The following DYRK1A variants were observed in gnomAD, a reference collection of about 807,000 sequenced individuals.
The protein encoded by DYRK1A is dual specificity tyrosine-phosphorylation-regulated kinase 1A.
Under a neutral mutation model 79.7 loss-of-function variants are expected in DYRK1A, and 9 were observed. The observed-to-expected ratio is 0.11, with a 90% CI of 0.07 to 0.20. The LOEUF (loss-of-function observed/expected upper bound fraction) is 0.20. Among genes scored for constraint, DYRK1A ranks in the 10% least tolerant of loss-of-function variants. The probability of loss-of-function intolerance (pLI) is 1.00; values close to 1 mark genes in which losing one functional copy is unlikely to be tolerated. For missense variants in DYRK1A, 622 were observed against 956.0 expected, an observed-to-expected ratio of 0.65 and a Z score of 4.61; for synonymous variants, 349 against 329.7, an observed-to-expected ratio of 1.06 and a Z score of -0.63.
intron 1 of DYRK1A, among the ~76,000 whole-genome samples, chr21:37,402,914 C>T (rs142234944): frequency 6.6e-6 from 1 of 152,096 alleles, no homozygotes; most frequent in Non-Finnish European, 1.5e-5. Flanking sequence ...CAGGTATGCA[C>T]CACTATGCCT....
chr21:37,401,030 G>A (rs1402160754), intron 1 of DYRK1A, among the ~76,000 whole-genome samples: 1 of 152,104 alleles, frequency 6.6e-6, no homozygotes, highest in African/African-American at 2.4e-5. Context: ...TGTAGTCCCA[G>A]CTACTTGGGA....
chr21:37,434,790 T>C (rs9979445), intron 2 of DYRK1A, among the ~76,000 whole-genome samples: 8,291 of 152,322 alleles, frequency 0.054, 270 homozygotes, highest in Middle Eastern at 0.13. Context: ...GAGACTTCAG[T>C]GAGCCACGCT....
At chr21:37,417,536 T>TTTTTTTTC (rs2050376183) in intron 1 of DYRK1A, among the ~76,000 whole-genome samples, 1 of 105,094 alleles carries the variant, frequency 9.5e-6, no homozygotes, top group African/African-American at 3.4e-5. Flanking sequence ...TTTCTTTTTT[T>TTTTTTTTC]TTTTTTTTTT....
At chr21:37,457,961 C>G (rs936709123) in intron 2 of DYRK1A, among the ~76,000 whole-genome samples, 1 of 152,186 alleles carries the variant, frequency 6.6e-6, no homozygotes, top group Non-Finnish European at 1.5e-5. Flanking sequence ...CCTTCAGACA[C>G]TTCTTAAAAT....
intron 1 of DYRK1A, among the ~76,000 whole-genome samples, chr21:37,372,938 T>C (rs556439110): frequency 6.6e-6 from 1 of 152,334 alleles, no homozygotes; most frequent in South Asian, 2.1e-4. Flanking sequence ...TATGTTCTTA[T>C]ATATAATTGT....
In DYRK1A at chr21:37,496,224, C is replaced by G. The variant is rs777270510; in HGVS notation, c.1178C>G (p.Thr393Ser). 25 of 1,613,800 alleles carry G rather than the reference C, an allele frequency of 1.5e-5. No homozygotes were observed. The East Asian group carries it at 4.0e-4, about 26-fold the overall frequency. Reference sequence around the variant, plus strand: ...TTCTTTGAGAAGTTGCCAGATGGCACTTGGAACTTAAAGAAGACCAAAGAT... The same window carrying G: ...TTCTTTGAGAAGTTGCCAGATGGCAGTTGGAACTTAAAGAAGACCAAAGAT... ...RKFFEKLPDG[T>S]WNLKKTKDGK... The change falls in exon 9 of 12, where the codon ACT becomes AGT. Residue 393 changes from threonine to serine, a missense_variant. Physicochemically the swap from Thr to Ser is moderately conservative, Grantham distance 58. Coordinates refer to ENST00000647188, the MANE Select transcript of DYRK1A (RefSeq NM_001347721.2).
intron 1 of DYRK1A, among the ~76,000 whole-genome samples, chr21:37,406,775 C>G (rs1048156246): frequency 4.0e-5 from 5 of 126,076 alleles, no homozygotes; most frequent in South Asian, 2.4e-4. Flanking sequence ...GTATATATCT[C>G]TATATACATC....
At position 37,505,524 on chromosome 21, in the gene DYRK1A, C is replaced by G. The variant is rs1429991264; in HGVS notation, c.1454C>G (p.Ser485Cys). 6.2e-7 allele frequency: 1 copy of G among 1,612,578 alleles called. No homozygotes were observed. The highest frequency in any genetic ancestry group is 1.7e-5 in the Admixed American group (1 of 60,028). Residue 485 changes from serine (S) to cysteine (C), a missense_variant, in exon 10 of 12, where the codon TCT becomes TGT. By Grantham distance (112) the Ser-to-Cys change is moderately radical. This residue lies in a region of DYRK1A where 21 missense variants were observed against 62.5 expected (regional missense o/e 0.34). Transcript: ENST00000647188. ...DEGTNTSNSV[S>C]TSPAMEQSQS... Reference sequence around the variant, plus strand: ...GGTACAAATACAAGTAATAGTGTATCTACAAGCCCCGCCATGGAGCAGTCT... The same window carrying G: ...GGTACAAATACAAGTAATAGTGTATGTACAAGCCCCGCCATGGAGCAGTCT...
rs558545937 is a variant in DYRK1A at position 37,517,196 on chromosome 21, A to C, written c.*4665A>C. On this transcript the variant is annotated 3_prime_UTR_variant, in exon 12 of 12. Coordinates refer to ENST00000647188, the MANE Select transcript of DYRK1A (RefSeq NM_001347721.2). ...TACTAGAGCCTGAGTCATGTTGACT[A>C]TTAATAAAGTGCATTAAGTTTGGGT... The C allele has an allele frequency of 6.6e-6, 1 of 152,380 alleles. No individual in the cohort carries two copies. Among genetic ancestry groups the C allele is most frequent in the South Asian group, 2.1e-4 (1 of 4,826 alleles). The allele number at this position is 152,380 out of a possible 1,614,324, so 9.4% of individuals were successfully genotyped here.
At chr21:37,411,048 T>TAAA (rs1569300015) in intron 1 of DYRK1A, among the ~76,000 whole-genome samples, 7 of 52,168 alleles carry the variant, frequency 1.3e-4, no homozygotes, top group African/African-American at 4.3e-4. Flanking sequence ...GATTCTGTCT[T>TAAA]TAAAAAAAAA....
At chr21:37,434,309 A>G (rs1352038539) in intron 2 of DYRK1A, among the ~76,000 whole-genome samples, 2 of 152,140 alleles carry the variant, frequency 1.3e-5, no homozygotes, top group Non-Finnish European at 2.9e-5. Context: ...TCTGTACTCT[A>G]TTTAGGAGGA....
intron 2 of DYRK1A, among the ~76,000 whole-genome samples, chr21:37,449,369 T>C (rs1241091236): frequency 6.6e-6 from 1 of 152,246 alleles, no homozygotes; most frequent in Non-Finnish European, 1.5e-5. Flanking sequence ...TGCTCTGCAG[T>C]TATTCAGGCT....
intron 2 of DYRK1A, among the ~76,000 whole-genome samples, chr21:37,463,455 G>A (rs1187410890): frequency 6.6e-6 from 1 of 152,148 alleles, no homozygotes; most frequent in Non-Finnish European, 1.5e-5. Flanking sequence ...AGTTGACTGA[G>A]CAATAGCTGT....
chr21:37,456,317 C>G (rs1387709335), intron 2 of DYRK1A: 3 of 152,330 alleles, frequency 2.0e-5, no homozygotes, highest in African/African-American at 7.2e-5. Flanking sequence ...AGGTGGGTGC[C>G]TGATTGTAGA....
intron 1 of DYRK1A, among the ~76,000 whole-genome samples, chr21:37,390,551 AT>A (rs2049850881): frequency 6.6e-6 from 1 of 152,138 alleles, no homozygotes; most frequent in Non-Finnish European, 1.5e-5. Flanking sequence ...GCCTAGGATC[AT>A]TTACACATTT....
At chr21:37,458,091 G>A (rs1411662806) in intron 2 of DYRK1A, among the ~76,000 whole-genome samples, 1 of 152,202 alleles carries the variant, frequency 6.6e-6, no homozygotes, top group Non-Finnish European at 1.5e-5. Flanking sequence ...AAGCAGCTAA[G>A]CAGGCACCTT....
chr21:37,442,117 T>C (rs1387516016), intron 2 of DYRK1A, among the ~76,000 whole-genome samples: 1 of 152,076 alleles, frequency 6.6e-6, no homozygotes, highest in Admixed American at 6.5e-5. Flanking sequence ...ATATGTCTCT[T>C]TTTCTGGCCG....
At position 37,503,555 on chromosome 21, in the gene DYRK1A, C is replaced by T. The variant is rs190568491; in HGVS notation, c.1213-1728C>T. The T allele has an allele frequency of 3.9e-5, 6 of 152,232 alleles. No individual in the cohort carries two copies. In the East Asian group the frequency reaches 7.7e-4, roughly 20 times the overall value. The allele number at this position is 152,232 out of a possible 1,614,324, so 9.4% of individuals were successfully genotyped here. On this transcript the variant is annotated intron_variant, in intron 9 of 11. Coordinates refer to ENST00000647188, the MANE Select transcript of DYRK1A (RefSeq NM_001347721.2). Reference sequence around the variant, plus strand: ...TTCTACCTCAGCCTCCCAAGAAGCTCGGACTACAGGAGTGGTGCAACCACC... The same window carrying T: ...TTCTACCTCAGCCTCCCAAGAAGCTTGGACTACAGGAGTGGTGCAACCACC...
intron 11 of DYRK1A, among the ~76,000 whole-genome samples, chr21:37,506,626 T>A (rs536242043): frequency 2.6e-5 from 4 of 152,326 alleles, no homozygotes; most frequent in African/African-American, 9.6e-5. Context: ...GCATTTATAG[T>A]CCTGGATTCT....
Sources: gnomAD v4.1 joint callset for allele counts (sites outside exome capture counted in the v4.1 genomes callset) on GRCh38, gnomAD v4.1.1 for gene constraint, gnomAD v4.1.1 regional missense constraint, MANE v1.5 for transcripts, NCBI Gene and HGNC (gene_info 2026-07-23, HGNC 2026-07-21) for gene names.